ADAMTS6: variants seen among roughly 807,000 people sequenced by gnomAD.
The protein encoded by ADAMTS6 is A disintegrin and metalloproteinase with thrombospondin motifs 6.
ADAMTS6 carries 23 observed loss-of-function variants against 144.3 expected under a neutral mutation model. The observed-to-expected ratio is 0.16, with a 90% CI of 0.11 to 0.23. The LOEUF (loss-of-function observed/expected upper bound fraction) is 0.23. ADAMTS6 is among the 10% of genes least tolerant of loss of function. The pLI is 1.00. For synonymous variants in ADAMTS6, 444 were observed against 457.5 expected (o/e 0.97, Z 0.38); for missense variants, 999 against 1,379.6 (o/e 0.72, Z 4.37).
intron 11 of ADAMTS6, among the ~76,000 whole-genome samples, chr5:65,276,836 T>A (rs1762582515): frequency 6.6e-6 from 1 of 152,116 alleles, no homozygotes. Context: ...TGAAGTATAG[T>A]GAGAAAGAAT....
chr5:65,403,715 G>T (rs187231236), intron 7 of ADAMTS6, among the ~76,000 whole-genome samples: 10 of 152,176 alleles, frequency 6.6e-5, no homozygotes, highest in Admixed American at 5.2e-4. Context: ...AAGACATCAA[G>T]TTACCACGTA....
intron 11 of ADAMTS6, among the ~76,000 whole-genome samples, chr5:65,287,484 G>A (rs1741792750): frequency 6.6e-6 from 1 of 152,022 alleles, no homozygotes; most frequent in Non-Finnish European, 1.5e-5. Context: ...ATCACATTCT[G>A]TATTTTTAGT....
At chr5:65,370,137 C>T (rs1750712818) in intron 7 of ADAMTS6, among the ~76,000 whole-genome samples, 1 of 152,108 alleles carries the variant, frequency 6.6e-6, no homozygotes, top group Non-Finnish European at 1.5e-5. Context: ...CGGCCAGGCA[C>T]GGTGGCTCAC....
At chr5:65,470,708 GAGGA>G in intron 3 of ADAMTS6, 66 bp downstream of exon 3, 1 of 1,330,298 alleles carries the variant, frequency 7.5e-7, no homozygotes, top group Non-Finnish European at 9.9e-7. Context: ...TTTTTAATCT[GAGGA>G]AAGACATTTA....
chr5:65,154,225 A>T (rs976645063), intron 24 of ADAMTS6, among the ~76,000 whole-genome samples: 2 of 152,104 alleles, frequency 1.3e-5, no homozygotes, highest in Admixed American at 1.3e-4. Flanking sequence ...AAACAAACAA[A>T]CAAAAAACTC....
chr5:65,323,925 A>G (rs1745910222), intron 9 of ADAMTS6, among the ~76,000 whole-genome samples: 1 of 152,156 alleles, frequency 6.6e-6, no homozygotes, highest in African/African-American at 2.4e-5. Flanking sequence ...TCTTTTGAGA[A>G]GCGTCTGTTC....
chr5:65,214,765 C>T lies in ADAMTS6; in HGVS notation c.2575+29G>A, dbSNP rs373191563. ...TGTGTTTTGTTCTCCATCTTGCCCT[C>T]TGGGTGGGCTGCCTAGTGGGCATCT... On this transcript the variant is annotated intron_variant, in intron 20 of 24. Coordinates refer to ENST00000381055, the MANE Select transcript of ADAMTS6 (RefSeq NM_197941.4). This position sits in a 1 kb window ranked among gnomAD's most constrained non-coding sequence, Gnocchi z 4.6. The T allele has an allele frequency of 6.2e-7, 1 of 1,613,818 alleles. No homozygotes were observed. Among genetic ancestry groups the T allele is most frequent in the African/African-American group, 1.3e-5 (1 of 74,924 alleles).
At chr5:65,409,292 A>G (rs1754848244) in intron 7 of ADAMTS6, among the ~76,000 whole-genome samples, 1 of 152,082 alleles carries the variant, frequency 6.6e-6, no homozygotes, top group Admixed American at 6.6e-5. Context: ...AATCAAATAG[A>G]CGCAATAAAA....
At chr5:65,441,641 C>A (rs1757861785) in intron 7 of ADAMTS6, among the ~76,000 whole-genome samples, 1 of 152,026 alleles carries the variant, frequency 6.6e-6, no homozygotes, top group Non-Finnish European at 1.5e-5. Context: ...AGCGCACCCA[C>A]CTGGAACATT....
chr5:65,257,631 T>G (rs1424479209), intron 14 of ADAMTS6, among the ~76,000 whole-genome samples: 2 of 152,222 alleles, frequency 1.3e-5, no homozygotes, highest in Non-Finnish European at 2.9e-5. Context: ...TCTGAGGCTC[T>G]TTCAATGGTT....
At chr5:65,378,755 C>A (rs146755557) in intron 7 of ADAMTS6, among the ~76,000 whole-genome samples, 1 of 152,166 alleles carries the variant, frequency 6.6e-6, no homozygotes, top group East Asian at 1.9e-4. Flanking sequence ...GGATATATAT[C>A]ATTTGCTTGT....
chr5:65,451,328 A>C, intron 7 of ADAMTS6, 147 bp downstream of exon 7: 2 of 772,598 alleles, frequency 2.6e-6, no homozygotes, highest in Non-Finnish European at 4.0e-6. Flanking sequence ...TAATAGTGTA[A>C]TACATTCTTT....
chr5:65,393,685 C>T (rs1210219888), intron 7 of ADAMTS6, among the ~76,000 whole-genome samples: 3 of 152,100 alleles, frequency 2.0e-5, no homozygotes, highest in Non-Finnish European at 2.9e-5. Context: ...AGTAGCAATG[C>T]TTTTTTTCTA....
rs759508097 is a variant in ADAMTS6, at chr5:65,253,812, C to CTTTTT, written c.1830+6783_1830+6787dup. On this transcript the variant is annotated intron_variant, in intron 14 of 24. Transcript: ENST00000381055. The stretch of plus-strand genomic sequence containing the variant: ...TAAAGTCTTGCTTACAATATTCAAT[C>CTTTTT]TTTTTTTTTTTTTTTTTTTTTTTTT... Among the ~76,000 whole-genome samples the CTTTTT allele has an allele frequency of 9.1e-4, 61 of 66,998 alleles. 8 individuals carry two copies. Among genetic ancestry groups the CTTTTT allele is most frequent in the East Asian group, 1.0e-3 (2 of 1,966 alleles). The allele number at this position is 66,998 out of a possible 152,430, so 44.0% of individuals were successfully genotyped here.
At chr5:65,327,567 C>T (rs933204988) in intron 9 of ADAMTS6, among the ~76,000 whole-genome samples, 2 of 151,984 alleles carry the variant, frequency 1.3e-5, no homozygotes, top group Admixed American at 6.6e-5. Flanking sequence ...AAAGTTACTC[C>T]AAGATACATA....
At chr5:65,252,988 G>T (rs1330212437) in intron 14 of ADAMTS6, among the ~76,000 whole-genome samples, 1 of 151,708 alleles carries the variant, frequency 6.6e-6, no homozygotes, top group African/African-American at 2.4e-5. Flanking sequence ...CCCGGGCTCA[G>T]GTGATCCTCC....
At chr5:65,325,590 G>C (rs1299908729) in intron 9 of ADAMTS6, among the ~76,000 whole-genome samples, 1 of 151,468 alleles carries the variant, frequency 6.6e-6, no homozygotes, top group Non-Finnish European at 1.5e-5. Context: ...TGATCTTCTG[G>C]GCTCAGCTAT....
chr5:65,202,783 T>G (rs1479882144), intron 20 of ADAMTS6, among the ~76,000 whole-genome samples: 3 of 152,226 alleles, frequency 2.0e-5, no homozygotes, highest in Non-Finnish European at 4.4e-5. Context: ...CTTGTTCCTT[T>G]GTTTTTTCTC....
chr5:65,173,501 C>A (rs1753755889), intron 22 of ADAMTS6, among the ~76,000 whole-genome samples: 1 of 152,172 alleles, frequency 6.6e-6, no homozygotes, highest in African/African-American at 2.4e-5. Flanking sequence ...GTGAAGGTTT[C>A]TTGCACAGAA....
Sources: allele counts gnomAD v4.1 joint callset (sites outside exome capture counted in the v4.1 genomes callset), GRCh38; gene constraint gnomAD v4.1.1; non-coding constraint Gnocchi (gnomAD v3.1); transcripts MANE v1.5; gene names NCBI Gene and HGNC (gene_info 2026-07-23, HGNC 2026-07-21).